ZNF232: variants seen among roughly 807,000 people sequenced by gnomAD.
ZNF232 encodes the protein zinc finger and SCAN domain-containing protein 11.
A neutral mutation model predicts 25.2 loss-of-function variants in ZNF232; 25 were observed. The ratio of observed to expected loss-of-function variants is 0.99; its 90% confidence interval spans 0.72 to 1.39. The LOEUF (loss-of-function observed/expected upper bound fraction) is 1.39, where lower values mean the gene tolerates loss of function less well. Ranked by LOEUF, ZNF232 falls within the 40% of genes most tolerant of loss-of-function variation. The pLI, the probability that ZNF232 is intolerant of heterozygous loss-of-function variation, is 0.00. For synonymous variants in ZNF232, 193 were observed against 182.9 expected (o/e 1.06, Z -0.45); for missense variants, 519 against 520.9 (o/e 1.00, Z 0.04).
chr17:5,111,569 C>G (rs1451136734), intron 1 of ZNF232: 1 of 634,590 alleles, frequency 1.6e-6, no homozygotes, highest in African/African-American at 1.9e-5. Context: ...CACTCCCTAC[C>G]CAAGGGTCTC....
intron 1 of ZNF232, 23 bp from the exon 2 acceptor site, chr17:5,109,891 T>G: frequency 1.3e-6 from 2 of 1,552,592 alleles, no homozygotes; most frequent in Non-Finnish European, 1.7e-6. Context: ...AAGAAATCAT[T>G]CCTCTTTTTT....
At chr17:5,111,976 A>AGAGGCTGGGAGCCCG, upstream of ZNF232, 1 of 1,114,672 alleles carries the variant, frequency 9.0e-7, no homozygotes, top group Non-Finnish European at 1.2e-6. Context: ...GGCGCTGCCG[A>AGAGGCTGGGAGCCCG]GAGGCTGGGA....
rs182165895 is a variant in ZNF232 at position 5,116,923 on chromosome 17, G to A, written c.-529-4572C>T. On this transcript the variant is annotated intron_variant, in intron 1 of 4. Transcript: ENST00000250076. ...AGGTACGGAGGGAGCAATCTTCACA[G>A]AGGGAACAGCTCGTGGAAAGGCCAC... is the stretch of plus-strand genomic sequence containing the variant. 5.4e-4 allele frequency among the ~76,000 whole-genome samples: 83 copies of A among 152,318 alleles called. 1 individual carries two copies. Among genetic ancestry groups the A allele is most frequent in the African/African-American group, 1.9e-3 (78 of 41,570 alleles).
rs953047276 is a variant in ZNF232, at chr17:5,120,935, A to G, written c.-530+2042T>C. ...GACCAGCCCCTCATGATTTCGATGT[A>G]AAATGTGAGGCTCAGAGAGGACTCA... On this transcript the variant is annotated intron_variant, in intron 1 of 4. Coordinates refer to the ZNF232 transcript ENST00000250076. 4 of 454,558 alleles carry G rather than the reference A, an allele frequency of 8.8e-6. No homozygotes were observed. The Admixed American group carries it at 9.4e-5, about 11-fold the overall frequency. 28.2% of individuals were successfully genotyped at this position (454,558 alleles called of 1,614,324 possible). A position where few individuals can be genotyped will look rare whatever the true frequency, so the allele number is the denominator to read the frequency against.
At chr17:5,116,114 C>A (rs914194540), upstream of ZNF232, among the ~76,000 whole-genome samples, 1 of 152,208 alleles carries the variant, frequency 6.6e-6, no homozygotes, top group Non-Finnish European at 1.5e-5. Context: ...CGTCTCCAGG[C>A]GCCCATCAGT....
intron 3 of ZNF232, among the ~76,000 whole-genome samples, chr17:5,108,123 T>C (rs192316783): frequency 0.018 from 2,734 of 152,242 alleles, 89 homozygotes; most frequent in East Asian, 0.15. Context: ...ATTTTGTAAC[T>C]AAGAAGAATT....
rs1567754729 is a variant in ZNF232 at position 5,106,024 on chromosome 17, TC to T, written c.1107del (p.Arg370GlyfsTer24). 1 of 1,614,066 alleles carries T rather than the reference TC, an allele frequency of 6.2e-7. No homozygotes were observed. Among genetic ancestry groups the T allele is most frequent in the African/African-American group, 1.3e-5 (1 of 74,940 alleles). The stretch of plus-strand genomic sequence containing the variant: ...TAGGGCTTCTCTCCTGAGTGAATCC[TC>T]TGATGCTGAACAAGATGAGCACCCC... On this transcript the variant is annotated frameshift_variant, in exon 4 of 4. Coordinates refer to ENST00000575898, the Ensembl canonical transcript of ZNF232. LOFTEE classifies it low-confidence loss of function (END_TRUNC).
intron 1 of ZNF232, among the ~76,000 whole-genome samples, chr17:5,120,348 G>T (rs375122055): frequency 6.6e-6 from 1 of 152,082 alleles, no homozygotes; most frequent in Admixed American, 6.6e-5. Context: ...TGTGCTGGGG[G>T]GTTGTTATCT....
At chr17:5,112,485 T>C (rs2072440492), upstream of ZNF232, 1 of 151,952 alleles carries the variant, frequency 6.6e-6, no homozygotes, top group Non-Finnish European at 1.5e-5. Flanking sequence ...GGAGTCTTGC[T>C]CTGTCGCCCA....
intron 1 of ZNF232, among the ~76,000 whole-genome samples, chr17:5,119,879 T>C (rs1235685269): frequency 6.6e-6 from 1 of 152,196 alleles, no homozygotes. Flanking sequence ...AAGGGATTTA[T>C]CTACGGCTGC....
intron 1 of ZNF232, 148 bp downstream of exon 1, chr17:5,111,652 C>T: frequency 8.5e-7 from 1 of 1,182,950 alleles, no homozygotes; most frequent in Non-Finnish European, 1.2e-6. Flanking sequence ...TAGCGCAGCG[C>T]GGGCACCACG....
At chr17:5,109,546 C>G in exon 2 of ZNF232, 3 of 1,614,198 alleles carry the variant, frequency 1.9e-6, no homozygotes, top group Non-Finnish European at 2.5e-6. Context: ...AGGATCTGCT[C>G]CTTCGTGTGT....
intron 1 of ZNF232, among the ~76,000 whole-genome samples, chr17:5,119,935 C>G (rs898927229): frequency 2.0e-5 from 3 of 152,114 alleles, no homozygotes; most frequent in African/African-American, 7.2e-5. Context: ...TCCACCCCAC[C>G]TCTCTGCCCC....
intron 1 of ZNF232, among the ~76,000 whole-genome samples, chr17:5,119,505 G>C (rs1276517447): frequency 6.6e-6 from 1 of 152,182 alleles, no homozygotes; most frequent in African/African-American, 2.4e-5. Context: ...AGCAAGCGAG[G>C]CTGGGGCCCA....
At chr17:5,116,998 G>C (rs998715141) in intron 1 of ZNF232, among the ~76,000 whole-genome samples, 1 of 152,190 alleles carries the variant, frequency 6.6e-6, no homozygotes, top group Non-Finnish European at 1.5e-5. Context: ...GAGAGTTCAT[G>C]GGTAAATAAT....
At chr17:5,110,018 T>C (rs575962950) in intron 1 of ZNF232, 150 bp from the exon 2 acceptor site, 2 of 730,858 alleles carry the variant, frequency 2.7e-6, no homozygotes, top group East Asian at 2.9e-5. Context: ...GCCTCCCAAG[T>C]AGCTGGGATT....
In ZNF232 at chr17:5,111,788, G is replaced by A. The variant is rs1350273702; in HGVS notation, c.23+12C>T. On this transcript the variant is annotated intron_variant, in intron 1 of 3. Coordinates refer to ENST00000575898, the Ensembl canonical transcript of ZNF232. The stretch of plus-strand genomic sequence containing the variant: ...CCAGGTGGACCTCGGGGAAGCCGCC[G>A]CCAACACTCACCTCACAGGACCAGG... The A allele has an allele frequency of 5.6e-6, 9 of 1,613,808 alleles. No homozygotes were observed. The highest frequency in any genetic ancestry group is 1.6e-4 in the Middle Eastern group (1 of 6,062).
intron 2 of ZNF232, 130 bp downstream of exon 2, chr17:5,109,264 A>T: frequency 7.8e-7 from 1 of 1,275,538 alleles, no homozygotes; most frequent in Non-Finnish European, 1.1e-6. Context: ...ACAGACACAG[A>T]AACACATACT....
At chr17:5,109,177 G>C (rs1415084796) in intron 2 of ZNF232, 125 bp from the exon 3 acceptor site, 1 of 1,418,088 alleles carries the variant, frequency 7.1e-7, no homozygotes, top group Non-Finnish European at 9.7e-7. Flanking sequence ...AGACTTTAGA[G>C]AGCCTCCTCA....
Sources: gnomAD v4.1 joint callset for allele counts (sites outside exome capture counted in the v4.1 genomes callset) on GRCh38, gnomAD v4.1.1 for gene constraint, MANE v1.5 for transcripts, NCBI Gene and HGNC (gene_info 2026-07-23, HGNC 2026-07-21) for gene names.